Variants in SORCS1 observed in about 807,000 individuals in gnomAD.
The protein encoded by SORCS1 is sortilin related VPS10 domain containing receptor 1, also known as VPS10 domain-containing receptor SorCS1.
Under a neutral mutation model 146.1 loss-of-function variants are expected in SORCS1, and 60 were observed. The ratio of observed to expected loss-of-function variants is 0.41; its 90% confidence interval spans 0.33 to 0.51. SORCS1 has a LOEUF of 0.51. Among genes scored for constraint, SORCS1 ranks in the 20% least tolerant of loss-of-function variants. The pLI is 0.21. For synonymous variants in SORCS1, 637 were observed against 584.0 expected (o/e 1.09, Z -1.31); for missense variants, 1,352 against 1,487.6 (o/e 0.91, Z 1.50).
At chr10:107,108,823 T>C (rs1590157128) in intron 1 of SORCS1, among the ~76,000 whole-genome samples, 1 of 152,108 alleles carries the variant, frequency 6.6e-6, no homozygotes, top group African/African-American at 2.4e-5. Context: ...AAAAAACAAA[T>C]TTGTTACTTC....
At chr10:106,885,637 A>G (rs1394406362) in intron 2 of SORCS1, among the ~76,000 whole-genome samples, 3 of 152,186 alleles carry the variant, frequency 2.0e-5, no homozygotes, top group African/African-American at 7.2e-5. Context: ...TTACATGCGT[A>G]TCTTCTAATA....
chr10:107,136,863 TCC>T (rs1967346134), intron 1 of SORCS1, among the ~76,000 whole-genome samples: 1 of 152,068 alleles, frequency 6.6e-6, no homozygotes, highest in African/African-American at 2.4e-5. Context: ...CTCCCCTCCG[TCC>T]CCTGCTTCCT....
chr10:106,623,554 TAA>T (rs1029255911), intron 19 of SORCS1, among the ~76,000 whole-genome samples: 4 of 152,110 alleles, frequency 2.6e-5, no homozygotes, highest in Non-Finnish European at 5.9e-5. Flanking sequence ...GAGCATTTTT[TAA>T]AAGTCATAAA....
At position 106,665,378 on chromosome 10, in the gene SORCS1, T is replaced by C. The variant is rs566921163; in HGVS notation, c.2303+2311A>G. On this transcript the variant is annotated intron_variant, in intron 17 of 25. Transcript: ENST00000263054. ...TTCTCCTTCTTCCTTCCCTTTTTTT[T>C]TCTCTCTCTCTTTTTTTTTTTTTTT... Among the ~76,000 whole-genome samples, 194 of 150,038 alleles carry C rather than the reference T, an allele frequency of 1.3e-3. 1 individual carries two copies. The highest frequency in any genetic ancestry group is 2.0e-3 in the African/African-American group (80 of 40,682).
chr10:106,998,228 T>A (rs1259141345), intron 1 of SORCS1, among the ~76,000 whole-genome samples: 1 of 152,238 alleles, frequency 6.6e-6, no homozygotes, highest in African/African-American at 2.4e-5. Flanking sequence ...TAACTATTCA[T>A]GCAAAATAAT....
chr10:107,164,990 C>T (rs1215987278), upstream of SORCS1, among the ~76,000 whole-genome samples: 1 of 151,190 alleles, frequency 6.6e-6, no homozygotes, highest in Non-Finnish European at 1.5e-5. The surrounding 1 kb of genome is among the most constrained non-coding windows in gnomAD (Gnocchi z 6.8). Context: ...GCGCTGAGTC[C>T]GCGCACCCTG....
In SORCS1 at chr10:106,973,246, G is replaced by C. The variant is rs545350614; in HGVS notation, c.559-16666C>G. Among the ~76,000 whole-genome samples the C allele has an allele frequency of 3.3e-5, 5 of 152,306 alleles. No individual in the cohort carries two copies. In the South Asian group the frequency reaches 1.0e-3, roughly 32 times the overall value. On this transcript the variant is annotated intron_variant, in intron 1 of 25. Coordinates refer to ENST00000263054, the MANE Select transcript of SORCS1 (RefSeq NM_052918.5). ...TCAAAGAAAGGAGATTTCCAGTAAA[G>C]AAGGTTAAGGAAGGCTAGAAACAAA...
intron 2 of SORCS1, among the ~76,000 whole-genome samples, chr10:106,848,933 T>C (rs1949425406): frequency 6.6e-6 from 1 of 150,660 alleles, no homozygotes; most frequent in East Asian, 2.0e-4. Context: ...TTCTGGCTTG[T>C]AGGGTTTCTG....
intron 1 of SORCS1, among the ~76,000 whole-genome samples, chr10:107,062,346 T>C (rs1444158337): frequency 6.6e-6 from 1 of 152,094 alleles, no homozygotes; most frequent in Non-Finnish European, 1.5e-5. Flanking sequence ...TTCTAGTATT[T>C]CAACCACAAC....
intron 19 of SORCS1, among the ~76,000 whole-genome samples, chr10:106,623,091 A>T (rs1847858020): frequency 6.6e-6 from 1 of 152,146 alleles, no homozygotes; most frequent in East Asian, 1.9e-4. Context: ...TCAGTCTTCA[A>T]ATCTCAGTTC....
At chr10:106,830,478 T>A (rs1048428707) in intron 2 of SORCS1, among the ~76,000 whole-genome samples, 1 of 151,946 alleles carries the variant, frequency 6.6e-6, no homozygotes, top group South Asian at 2.1e-4. Flanking sequence ...CAAAGAAATT[T>A]AAAAAATTTC....
intron 1 of SORCS1, among the ~76,000 whole-genome samples, chr10:107,150,988 T>C (rs552135618): frequency 6.6e-6 from 1 of 152,240 alleles, no homozygotes; most frequent in South Asian, 2.1e-4. Flanking sequence ...AGTAAATTAG[T>C]ACTGAGTAGT....
intron 24 of SORCS1, among the ~76,000 whole-genome samples, chr10:106,591,554 T>C (rs934800120): frequency 1.3e-5 from 2 of 152,220 alleles, no homozygotes; most frequent in Non-Finnish European, 2.9e-5. Context: ...ATTATGCATA[T>C]AATTATTCAT....
intron 1 of SORCS1, among the ~76,000 whole-genome samples, chr10:107,104,783 T>G (rs1965189002): frequency 6.6e-6 from 1 of 152,224 alleles, no homozygotes; most frequent in Non-Finnish European, 1.5e-5. Flanking sequence ...CCACACGTAC[T>G]GCTTATCTTT....
chr10:106,612,908 C>T (rs561094167), intron 21 of SORCS1, among the ~76,000 whole-genome samples: 6 of 152,172 alleles, frequency 3.9e-5, no homozygotes, highest in South Asian at 2.1e-4. Flanking sequence ...CTGCCTAGAA[C>T]GCCCCATTCT....
intron 6 of SORCS1, among the ~76,000 whole-genome samples, chr10:106,713,164 G>A (rs1378169381): frequency 2.7e-5 from 4 of 150,904 alleles, no homozygotes; most frequent in African/African-American, 7.4e-5. Flanking sequence ...CTTATATAAC[G>A]AGTATGACAA....
At chr10:106,921,503 ACTC>A (rs1952709678) in intron 2 of SORCS1, among the ~76,000 whole-genome samples, 1 of 151,992 alleles carries the variant, frequency 6.6e-6, no homozygotes, top group South Asian at 2.1e-4. Flanking sequence ...TCTTTATCTG[ACTC>A]CTCTATTTGA....
intron 2 of SORCS1, among the ~76,000 whole-genome samples, chr10:106,930,830 C>T (rs1054315037): frequency 6.6e-6 from 1 of 152,138 alleles, no homozygotes; most frequent in Admixed American, 6.5e-5. Flanking sequence ...CCCACTAACT[C>T]CTTCTGAAAC....
chr10:106,808,393 T>A (rs1246863621), intron 3 of SORCS1, among the ~76,000 whole-genome samples: 1 of 152,198 alleles, frequency 6.6e-6, no homozygotes, highest in Admixed American at 6.5e-5. Context: ...TGGCCCTCAC[T>A]CCCATGCAAT....
Sources: gnomAD v4.1 joint callset for allele counts (sites outside exome capture counted in the v4.1 genomes callset) on GRCh38, gnomAD v4.1.1 for gene constraint, Gnocchi (gnomAD v3.1) non-coding constraint, MANE v1.5 for transcripts, NCBI Gene and HGNC (gene_info 2026-07-23, HGNC 2026-07-21) for gene names.